The following FHIT variants were observed in gnomAD, a reference collection of about 807,000 sequenced individuals.
The protein encoded by FHIT is bis(5'-adenosyl)-triphosphatase.
Under a neutral mutation model 17.9 loss-of-function variants are expected in FHIT, and 19 were observed. The ratio of observed to expected loss-of-function variants is 1.06; its 90% confidence interval spans 0.74 to 1.56. The LOEUF is 1.56. Ranked by LOEUF, FHIT falls within the 40% of genes most tolerant of loss-of-function variation. The pLI is 0.00. For missense variants in FHIT, 248 were observed against 189.2 expected (o/e 1.31, Z -1.82); for synonymous variants, 81 against 69.7 (o/e 1.16, Z -0.81).
chr3:60,002,035 C>T (rs1220622759), intron 7 of FHIT, among the ~76,000 whole-genome samples: 57 of 152,070 alleles, frequency 3.7e-4, no homozygotes, highest in Non-Finnish European at 1.5e-5. Flanking sequence ...TAAATGAATT[C>T]CACCACAAAG....
chr3:60,096,574 C>T (rs1011071487), intron 5 of FHIT, among the ~76,000 whole-genome samples: 1 of 152,168 alleles, frequency 6.6e-6, no homozygotes. Flanking sequence ...TCACCTCTAT[C>T]TGACTAGGTA....
chr3:61,244,133 G>C (rs1296843121), intron 1 of FHIT: 1 of 152,032 alleles, frequency 6.6e-6, no homozygotes, highest in African/African-American at 2.4e-5. Flanking sequence ...TTCAATCTTA[G>C]ATGCACTTTA....
chr3:60,078,996 G>A (rs186314365), intron 5 of FHIT, among the ~76,000 whole-genome samples: 1 of 152,028 alleles, frequency 6.6e-6, no homozygotes, highest in East Asian at 1.9e-4. Flanking sequence ...GTACCATAAA[G>A]TGTTCTTGAA....
chr3:60,329,500 G>C (rs1438860011), intron 5 of FHIT, among the ~76,000 whole-genome samples: 1 of 152,206 alleles, frequency 6.6e-6, no homozygotes, highest in Non-Finnish European at 1.5e-5. Context: ...TTAACCTGTA[G>C]TCATGAACCT....
chr3:60,954,641 G>A lies in FHIT; in HGVS notation c.-111+87406C>T, dbSNP rs137879222. On this transcript the variant is annotated intron_variant, in intron 3 of 9. Transcript: ENST00000492590. ...TGAGAAGAGCATCAACTGTGGTGAA[G>A]GTAGTTAGAGACAATAACAAATTAT... Among the ~76,000 whole-genome samples, 528 of 152,278 alleles carry A rather than the reference G, an allele frequency of 3.5e-3. 3 individuals carry two copies. Among genetic ancestry groups the A allele is most frequent in the African/African-American group, 0.012 (511 of 41,558 alleles).
chr3:60,654,368 C>A (rs924743588), intron 4 of FHIT, among the ~76,000 whole-genome samples: 2 of 152,068 alleles, frequency 1.3e-5, no homozygotes, highest in Admixed American at 6.5e-5. Context: ...GTGACTCCAA[C>A]CCTGGAGAGC....
chr3:60,782,278 C>G (rs782322186), intron 4 of FHIT, among the ~76,000 whole-genome samples: 23 of 144,118 alleles, frequency 1.6e-4, no homozygotes, highest in Non-Finnish European at 3.0e-4. Flanking sequence ...TCCATTTCAT[C>G]TCACACCTAT....
chr3:60,188,972 C>T (rs931927117), intron 5 of FHIT, among the ~76,000 whole-genome samples: 1 of 152,088 alleles, frequency 6.6e-6, no homozygotes, highest in African/African-American at 2.4e-5. Flanking sequence ...TAGCTTTCTG[C>T]ACTTCAGTAA....
intron 3 of FHIT, among the ~76,000 whole-genome samples, chr3:61,001,559 G>A (rs926667061): frequency 6.6e-6 from 1 of 152,166 alleles, no homozygotes; most frequent in Non-Finnish European, 1.5e-5. Context: ...ATCTCAAGAA[G>A]ATACATACTA....
chr3:60,835,658 C>T (rs1702511309), intron 3 of FHIT, among the ~76,000 whole-genome samples: 1 of 152,148 alleles, frequency 6.6e-6, no homozygotes, highest in Admixed American at 6.5e-5. Context: ...GGTTGGAGTG[C>T]AGTGGCACAC....
At chr3:59,840,375 C>T (rs913441140) in intron 8 of FHIT, among the ~76,000 whole-genome samples, 1 of 139,432 alleles carries the variant, frequency 7.2e-6, no homozygotes, top group Non-Finnish European at 1.5e-5. Context: ...TGCATCATGT[C>T]ACCAGATTAT....
chr3:60,920,688 A>G (rs1250814596), intron 3 of FHIT, among the ~76,000 whole-genome samples: 1 of 152,132 alleles, frequency 6.6e-6, no homozygotes, highest in Non-Finnish European at 1.5e-5. Flanking sequence ...AAGAGTAAAC[A>G]AGGCGTGGGG....
intron 5 of FHIT, among the ~76,000 whole-genome samples, chr3:60,203,123 T>A (rs1304994033): frequency 6.6e-6 from 1 of 152,156 alleles, no homozygotes; most frequent in East Asian, 1.9e-4. Context: ...TACATGAGAC[T>A]ATAGTTACTA....
At chr3:60,728,585 G>C (rs1013697825) in intron 4 of FHIT, among the ~76,000 whole-genome samples, 1 of 151,388 alleles carries the variant, frequency 6.6e-6, no homozygotes, top group Non-Finnish European at 1.5e-5. Flanking sequence ...TTTGTTTTGC[G>C]TCGTTTTTTT....
Position 60,668,493 on chromosome 3 carries a change from G to A in FHIT, c.-17-131514C>T, listed in dbSNP as rs569027974. ...CTAGGTGACCATCTTCTGTTGGGTTGGGACACTCTAAACACTCTGCTACTG... is the reference window on the plus strand; with the variant it reads ...CTAGGTGACCATCTTCTGTTGGGTTAGGACACTCTAAACACTCTGCTACTG... On this transcript the variant is annotated intron_variant, in intron 4 of 9. Transcript: ENST00000492590. Among the ~76,000 whole-genome samples, 3 of 150,894 alleles carry A rather than the reference G, an allele frequency of 2.0e-5. No individual in the cohort carries two copies. The East Asian group carries it at 5.8e-4, about 29-fold the overall frequency.
intron 8 of FHIT, among the ~76,000 whole-genome samples, chr3:59,810,469 C>A (rs1559626339): frequency 6.6e-6 from 1 of 152,172 alleles, no homozygotes. Flanking sequence ...CAAATAGAAG[C>A]ATGCACCTGG....
At chr3:60,910,994 G>GAA (rs1443072113) in intron 3 of FHIT, among the ~76,000 whole-genome samples, 2 of 152,020 alleles carry the variant, frequency 1.3e-5, no homozygotes, top group Non-Finnish European at 2.9e-5. Context: ...AGATTTTAAA[G>GAA]ATAGAAATAA....
At chr3:59,882,864 TAC>T (rs1703467229) in intron 8 of FHIT, among the ~76,000 whole-genome samples, 1 of 152,246 alleles carries the variant, frequency 6.6e-6, no homozygotes, top group Non-Finnish European at 1.5e-5. Flanking sequence ...AAAGCTGATC[TAC>T]AGTTTCTTAA....
chr3:60,495,955 T>C (rs1181063233), intron 5 of FHIT, among the ~76,000 whole-genome samples: 2 of 152,076 alleles, frequency 1.3e-5, no homozygotes, highest in African/African-American at 2.4e-5. Context: ...TGTTTTTCCA[T>C]AGGAAGAAAA....
Sources: allele counts gnomAD v4.1 joint callset (sites outside exome capture counted in the v4.1 genomes callset), GRCh38; gene constraint gnomAD v4.1.1; transcripts MANE v1.5; gene names NCBI Gene and HGNC (gene_info 2026-07-23, HGNC 2026-07-21).